The following CHD9 variants were observed in gnomAD, a reference collection of about 807,000 sequenced individuals.
The protein encoded by CHD9 is chromodomain helicase DNA binding protein 9, also known as ATP-dependent chromatin remodeler CHD9.
Under a neutral mutation model 316.1 loss-of-function variants are expected in CHD9, and 77 were observed. The observed-to-expected ratio is 0.24, with a 90% CI of 0.20 to 0.29. The LOEUF is 0.29. Among genes scored for constraint, CHD9 ranks in the 10% least tolerant of loss-of-function variants. The pLI is 1.00. For synonymous variants in CHD9, 1,129 were observed against 1,158.3 expected (o/e 0.97, Z 0.51); for missense variants, 2,763 against 3,438.1 (o/e 0.80, Z 4.91).
chr16:53,258,723 C>T (rs564958841), intron 19 of CHD9, among the ~76,000 whole-genome samples: 239 of 152,174 alleles, frequency 1.6e-3, no homozygotes, highest in African/African-American at 5.7e-3. Flanking sequence ...ACATATACAT[C>T]AAATAGATAG....
chr16:53,241,899 A>G (rs935529719), intron 12 of CHD9, among the ~76,000 whole-genome samples: 4 of 152,208 alleles, frequency 2.6e-5, no homozygotes, highest in Admixed American at 1.3e-4. Context: ...AATCCCTTCA[A>G]TAGTGTCTTG....
chr16:53,236,673 CTT>C (rs1472790816), intron 11 of CHD9, among the ~76,000 whole-genome samples: 6 of 130,592 alleles, frequency 4.6e-5, no homozygotes, highest in Admixed American at 8.9e-5. Flanking sequence ...TTCTCTGAAA[CTT>C]TTAACTTTCC....
chr16:53,206,509 TC>T (rs768456054), intron 2 of CHD9, among the ~76,000 whole-genome samples: 10 of 152,192 alleles, frequency 6.6e-5, no homozygotes, highest in Non-Finnish European at 1.5e-4. Context: ...GAGTGTGGTC[TC>T]CCTAACAAGA....
At position 53,293,194 on chromosome 16, in the gene CHD9, CAT is replaced by C. The variant is rs1221263242; in HGVS notation, c.5510+146_5510+147del. On this transcript the variant is annotated intron_variant, in intron 29 of 38. Transcript: ENST00000447540. ...GCAAACTGCTTTGTGCACATACACA[CAT>C]ATACTCACACATTTATATATGTATG... 3 of 650,092 alleles carry C rather than the reference CAT, an allele frequency of 4.6e-6. No individual in the cohort carries two copies. In the East Asian group the frequency reaches 8.2e-5, roughly 18 times the overall value. 40.3% of individuals were successfully genotyped at this position (650,092 alleles called of 1,614,324 possible).
intron 1 of CHD9, chr16:53,121,643 G>C: frequency 3.1e-6 from 1 of 319,128 alleles, no homozygotes; most frequent in South Asian, 2.7e-5. Flanking sequence ...GTTATTACCA[G>C]CTGCCTCTAG....
chr16:53,275,316 C>G (rs111919726), intron 24 of CHD9, among the ~76,000 whole-genome samples: 5,831 of 152,226 alleles, frequency 0.038, 382 homozygotes, highest in African/African-American at 0.13. Flanking sequence ...GTGTGAGCCA[C>G]CACACCCAGC....
chr16:53,152,764 T>G (rs1442704143), intron 1 of CHD9, among the ~76,000 whole-genome samples: 2 of 152,104 alleles, frequency 1.3e-5, no homozygotes, highest in African/African-American at 4.8e-5. Flanking sequence ...GGGTCTAGAT[T>G]TAAGGTAGTG....
At chr16:53,307,022 C>T (rs902588998) in intron 32 of CHD9, among the ~76,000 whole-genome samples, 9 of 152,022 alleles carry the variant, frequency 5.9e-5, no homozygotes, top group Non-Finnish European at 2.9e-5. Context: ...TCAAGTGATC[C>T]GCTTGCCTCG....
intron 2 of CHD9, among the ~76,000 whole-genome samples, chr16:53,201,587 C>G (rs2045459552): frequency 6.6e-6 from 1 of 152,150 alleles, no homozygotes; most frequent in Non-Finnish European, 1.5e-5. Context: ...TCATGCCAAA[C>G]TACTTGTTAT....
At chr16:53,073,401 G>A (rs533570170) in intron 1 of CHD9, among the ~76,000 whole-genome samples, 3 of 152,296 alleles carry the variant, frequency 2.0e-5, no homozygotes, top group Admixed American at 2.0e-4. Flanking sequence ...CACTTGGATT[G>A]CTTCTACCTC....
Position 53,227,600 on chromosome 16 carries a change from A to T in CHD9, c.2165A>T (p.Asn722Ile). ...DTEEFFVKYK[N>I]YSYLHCEWAT... ...GAAGAATTTTTTGTAAAATACAAGA[A>T]TTAGTAAGTATTTGAGTTAGAAAAA... The change falls in exon 7 of 39, where the codon AAT becomes ATT. Residue 722 changes from asparagine (N) to isoleucine (I), a missense_variant. Around this residue, in one of 15 missense-constraint regions of CHD9, gnomAD observed 859 missense variants for 890.4 expected, o/e 0.96. Transcript: ENST00000447540. 1 of 1,126,664 alleles carries T rather than the reference A, an allele frequency of 8.9e-7. No homozygotes were observed. The highest frequency in any genetic ancestry group is 1.2e-6 in the Non-Finnish European group (1 of 808,436). 69.8% of individuals were successfully genotyped at this position (1,126,664 alleles called of 1,614,324 possible).
chr16:53,193,177 C>T (rs192103961), intron 2 of CHD9, among the ~76,000 whole-genome samples: 2 of 152,120 alleles, frequency 1.3e-5, no homozygotes, highest in East Asian at 1.9e-4. Flanking sequence ...CGGCCGGGCA[C>T]GGTGGCTCAT....
At chr16:53,255,895 G>T in intron 19 of CHD9, 116 bp downstream of exon 19, 1 of 907,604 alleles carries the variant, frequency 1.1e-6, no homozygotes, top group Non-Finnish European at 1.7e-6. Context: ...CCAAGATGCA[G>T]TAGGTAATGT....
At chr16:53,264,289 C>T (rs1424560790) in intron 20 of CHD9, among the ~76,000 whole-genome samples, 1 of 151,636 alleles carries the variant, frequency 6.6e-6, no homozygotes, top group East Asian at 1.9e-4. Context: ...AGGAATCGGC[C>T]CTGCAGCAAT....
chr16:53,242,089 A>T (rs2049152405), intron 12 of CHD9, among the ~76,000 whole-genome samples: 1 of 152,170 alleles, frequency 6.6e-6, no homozygotes, highest in Non-Finnish European at 1.5e-5. Context: ...TTTCTTTTAT[A>T]GATCTCTAGG....
intron 1 of CHD9, among the ~76,000 whole-genome samples, chr16:53,088,279 GTTT>G (rs71143964): frequency 7.3e-6 from 1 of 136,154 alleles, no homozygotes; most frequent in Non-Finnish European, 1.5e-5. Context: ...CATGCACTTT[GTTT>G]TTTTTTTTTT....
At chr16:53,194,079 G>A (rs976004799) in intron 2 of CHD9, among the ~76,000 whole-genome samples, 1 of 152,084 alleles carries the variant, frequency 6.6e-6, no homozygotes, top group African/African-American at 2.4e-5. Flanking sequence ...GGTAAAATAT[G>A]TCTAAGAAGG....
Position 53,324,120 on chromosome 16 carries a change from A to C in CHD9, c.7919A>C (p.Lys2640Thr), listed in dbSNP as rs778946396. 15 of 1,613,868 alleles carry C rather than the reference A, an allele frequency of 9.3e-6. No homozygotes were observed. In the African/African-American group the frequency reaches 1.9e-4, roughly 20 times the overall value. Reference sequence around the variant, plus strand: ...AGACGGCCTAAAAGTGGAATTGCAAAGGCCACAGCAGCAGCAGCTGCTGCA... The same window carrying C: ...AGACGGCCTAAAAGTGGAATTGCAACGGCCACAGCAGCAGCAGCTGCTGCA... ...RGRRPKSGIA[K>T]ATAAAAAASA... Residue 2640 changes from lysine to threonine, a missense_variant, in exon 39 of 39, where the codon AAG becomes ACG. Coordinates refer to ENST00000447540, the MANE Select transcript of CHD9 (RefSeq NM_001308319.2).
intron 2 of CHD9, among the ~76,000 whole-genome samples, chr16:53,182,697 A>C (rs1265152180): frequency 6.6e-6 from 1 of 152,198 alleles, no homozygotes; most frequent in Non-Finnish European, 1.5e-5. Flanking sequence ...TTTAATACTT[A>C]AATCTACATA....
Sources: gnomAD v4.1 joint callset for allele counts (sites outside exome capture counted in the v4.1 genomes callset) on GRCh38, gnomAD v4.1.1 for gene constraint, gnomAD v4.1.1 regional missense constraint, MANE v1.5 for transcripts, NCBI Gene and HGNC (gene_info 2026-07-23, HGNC 2026-07-21) for gene names.